Variants in PRKAR1A observed in about 807,000 individuals in gnomAD.
PRKAR1A encodes the protein protein kinase cAMP-dependent type I regulatory subunit alpha.
A neutral mutation model predicts 52.0 loss-of-function variants in PRKAR1A; 3 were observed. The observed-to-expected ratio is 0.06, with a 90% confidence interval of 0.03 to 0.15. The LOEUF is 0.15. Among genes scored for constraint, PRKAR1A ranks in the 10% least tolerant of loss-of-function variants. The pLI is 1.00. For synonymous variants in PRKAR1A, 188 were observed against 168.4 expected (o/e 1.12, Z -0.90); for missense variants, 240 against 477.4 (o/e 0.50, Z 4.63).
At chr17:68,489,305 ATATATGGAAAG>A in the PRKAR1A span, among the ~76,000 whole-genome samples, 2 of 86,692 alleles carry the variant, frequency 2.3e-5, no homozygotes, top group African/African-American at 1.1e-4. Context: ...GTATATATAT[ATATATGGAAAG>A]TATATATATA....
the PRKAR1A span, among the ~76,000 whole-genome samples, chr17:68,470,242 T>G: frequency 3.9e-5 from 6 of 152,160 alleles, no homozygotes; most frequent in Non-Finnish European, 5.9e-5. Flanking sequence ...CCACCGCACC[T>G]GACTAATTTT....
chr17:68,502,755 GA>G, the PRKAR1A span, among the ~76,000 whole-genome samples: 2,526 of 86,148 alleles, frequency 0.029, 24 homozygotes, highest in African/African-American at 0.049. Context: ...TTCATCTCAG[GA>G]AAAAAAAAAA....
At chr17:68,452,967 C>A in the PRKAR1A span, 13 of 1,613,930 alleles carry the variant, frequency 8.1e-6, no homozygotes, top group Non-Finnish European at 1.0e-5. Flanking sequence ...AGCTTATACC[C>A]GGCTTTAGTT....
the PRKAR1A span, among the ~76,000 whole-genome samples, chr17:68,430,927 G>A: frequency 6.6e-6 from 1 of 152,150 alleles, no homozygotes; most frequent in Non-Finnish European, 1.5e-5. Context: ...CAGAGCTCTG[G>A]GAGGTATTCT....
intron 11 of PRKAR1A, chr17:68,539,510 G>C: frequency 2.2e-6 from 2 of 914,948 alleles, no homozygotes; most frequent in Non-Finnish European, 1.8e-6. Context: ...AAATGCCAGG[G>C]ATCATGGCAG....
At chr17:68,548,015 C>T (rs995830665) in intron 11 of PRKAR1A, among the ~76,000 whole-genome samples, 1 of 114,794 alleles carries the variant, frequency 8.7e-6, no homozygotes, top group Non-Finnish European at 1.9e-5. Context: ...TAACTGGCCT[C>T]ATTTCAATAT....
chr17:68,538,325 C>T (rs1198720438), downstream of PRKAR1A, among the ~76,000 whole-genome samples: 1 of 152,212 alleles, frequency 6.6e-6, no homozygotes, highest in Non-Finnish European at 1.5e-5. Flanking sequence ...ACTGCTCATC[C>T]AGTCCTGCTC....
chr17:68,506,089 C>A, the PRKAR1A span, among the ~76,000 whole-genome samples: 1 of 152,144 alleles, frequency 6.6e-6, no homozygotes, highest in Non-Finnish European at 1.5e-5. Flanking sequence ...TGCCTATGGC[C>A]ACTTTTGTGA....
chr17:68,424,597 C>T, the PRKAR1A span: 104 of 478,546 alleles, frequency 2.2e-4, no homozygotes, highest in Non-Finnish European at 3.8e-4. Context: ...TACTTCCGGC[C>T]GGGTGCGGCG....
At chr17:68,429,753 TA>T in the PRKAR1A span, among the ~76,000 whole-genome samples, 2 of 152,096 alleles carry the variant, frequency 1.3e-5, no homozygotes, top group African/African-American at 2.4e-5. Flanking sequence ...CATACCCGGC[TA>T]ATTTTTGTAT....
downstream of PRKAR1A, chr17:68,535,307 T>C (rs759651825): frequency 4.4e-6 from 2 of 454,002 alleles, no homozygotes; most frequent in East Asian, 6.9e-5. Context: ...CCACATATCA[T>C]GGTGAAATTC....
upstream of PRKAR1A, among the ~76,000 whole-genome samples, chr17:68,510,204 A>G (rs1000226854): frequency 6.7e-5 from 10 of 150,038 alleles, no homozygotes; most frequent in Non-Finnish European, 1.3e-4. Flanking sequence ...AGATCTATCT[A>G]TTCTGCAATG....
At chr17:68,528,001 AT>A (rs2085845072) in intron 8 of PRKAR1A, 101 bp downstream of exon 8, 1 of 1,031,634 alleles carries the variant, frequency 9.7e-7, no homozygotes, top group Non-Finnish European at 1.5e-6. Context: ...ATTGCTACTC[AT>A]TCCCCCTGAA....
At chr17:68,523,994 C>G in intron 4 of PRKAR1A, 22 bp from the exon 5 acceptor site, 1 of 1,613,250 alleles carries the variant, frequency 6.2e-7, no homozygotes, top group South Asian at 1.1e-5. Context: ...AAATGTAACA[C>G]GAGGCCTTCT....
the PRKAR1A span, among the ~76,000 whole-genome samples, chr17:68,424,820 C>T: frequency 6.6e-5 from 10 of 152,052 alleles, no homozygotes; most frequent in South Asian, 2.1e-4. Context: ...GAGGCTGCAG[C>T]GAGCCGAGAT....
chr17:68,467,868 T>G, the PRKAR1A span, among the ~76,000 whole-genome samples: 3 of 152,066 alleles, frequency 2.0e-5, no homozygotes, highest in Non-Finnish European at 2.9e-5. Flanking sequence ...ATGCAGGGGT[T>G]GTTGTTGTTG....
chr17:68,496,180 T>C, the PRKAR1A span, among the ~76,000 whole-genome samples: 14 of 146,132 alleles, frequency 9.6e-5, no homozygotes, highest in East Asian at 2.7e-3. Context: ...TAGCTGGAAT[T>C]ACAGGCGTGT....
chr17:68,508,431 A>G (rs1017622719), upstream of PRKAR1A, among the ~76,000 whole-genome samples: 1 of 152,254 alleles, frequency 6.6e-6, no homozygotes, highest in Non-Finnish European at 1.5e-5. Context: ...TAACACAGGA[A>G]TAGAAAACTA....
the PRKAR1A span, chr17:68,436,435 A>G: frequency 6.2e-7 from 1 of 1,614,078 alleles, no homozygotes; most frequent in South Asian, 1.1e-5. Flanking sequence ...CTTCCAGGAT[A>G]GGCCAGGTAA....
Sources: gnomAD v4.1 joint callset for allele counts (sites outside exome capture counted in the v4.1 genomes callset) on GRCh38, gnomAD v4.1.1 for gene constraint, MANE v1.5 for transcripts, NCBI Gene and HGNC (gene_info 2026-07-23, HGNC 2026-07-21) for gene names.